The following FRMD5 variants were observed in gnomAD, a reference collection of about 807,000 sequenced individuals.
FRMD5 encodes the protein FERM domain-containing protein 5.
A neutral mutation model predicts 69.0 loss-of-function variants in FRMD5; 20 were observed. That is an observed-to-expected ratio of 0.29 (90% CI 0.20 to 0.42). The LOEUF (loss-of-function observed/expected upper bound fraction) is 0.42, where lower values mean the gene tolerates loss of function less well. Ranked by LOEUF, FRMD5 falls within the 10% of genes least tolerant of loss-of-function variation. The pLI, the probability that FRMD5 is intolerant of heterozygous loss-of-function variation, is 1.00. For synonymous variants in FRMD5, 271 were observed against 260.1 expected, an observed-to-expected ratio of 1.04 and a Z score of -0.40; for missense variants, 595 against 708.6, an observed-to-expected ratio of 0.84 and a Z score of 1.82.
intron 1 of FRMD5, among the ~76,000 whole-genome samples, chr15:44,020,012 AAT>A (rs1428539965): frequency 2.6e-5 from 4 of 152,114 alleles, no homozygotes; most frequent in African/African-American, 9.7e-5. Flanking sequence ...AAATAAAATA[AAT>A]ATATGTTTTC....
intron 1 of FRMD5, among the ~76,000 whole-genome samples, chr15:44,093,867 C>T (rs937581809): frequency 4.6e-5 from 7 of 151,952 alleles, no homozygotes; most frequent in African/African-American, 7.3e-5. Flanking sequence ...CCACCACGCC[C>T]GGCCCCTAAT....
chr15:44,054,886 A>G (rs1892808429), intron 1 of FRMD5, among the ~76,000 whole-genome samples: 1 of 152,064 alleles, frequency 6.6e-6, no homozygotes, highest in East Asian at 1.9e-4. Flanking sequence ...CCTGATCAAC[A>G]TGGTGAAACC....
intron 1 of FRMD5, among the ~76,000 whole-genome samples, chr15:44,050,001 A>C (rs1274994638): frequency 6.6e-6 from 1 of 152,218 alleles, no homozygotes; most frequent in Non-Finnish European, 1.5e-5. Context: ...ATCTATGTAC[A>C]AGTAACCTTC....
At chr15:43,904,373 A>G (rs999573138) in intron 6 of FRMD5, among the ~76,000 whole-genome samples, 1 of 151,684 alleles carries the variant, frequency 6.6e-6, no homozygotes, top group Admixed American at 6.6e-5. Context: ...ACTTTTTTTT[A>G]TTTTTAATTT....
chr15:44,106,230 A>G (rs1325033402), intron 1 of FRMD5, among the ~76,000 whole-genome samples: 1 of 152,176 alleles, frequency 6.6e-6, no homozygotes, highest in Non-Finnish European at 1.5e-5. Flanking sequence ...TAATAAGCCA[A>G]ATTCTTCATG....
intron 1 of FRMD5, among the ~76,000 whole-genome samples, chr15:44,165,178 G>C (rs1313181991): frequency 6.6e-6 from 1 of 152,200 alleles, no homozygotes; most frequent in Non-Finnish European, 1.5e-5. Flanking sequence ...CAGCACTTTG[G>C]GAGGCCAAGG....
At chr15:44,187,788 C>A (rs948145808) in intron 1 of FRMD5, among the ~76,000 whole-genome samples, 2 of 152,156 alleles carry the variant, frequency 1.3e-5, no homozygotes, top group African/African-American at 4.8e-5. Flanking sequence ...AGGATAGACT[C>A]AAACTCCTGG....
chr15:43,905,558 C>T (rs1415304738), intron 6 of FRMD5, among the ~76,000 whole-genome samples: 1 of 152,226 alleles, frequency 6.6e-6, no homozygotes, highest in Non-Finnish European at 1.5e-5. Flanking sequence ...AAAGGCCAAT[C>T]CCTCTCTGTT....
intron 4 of FRMD5, among the ~76,000 whole-genome samples, chr15:43,915,487 A>G (rs779178190): frequency 4.6e-5 from 7 of 152,158 alleles, no homozygotes; most frequent in Non-Finnish European, 1.0e-4. Context: ...TGTGTGTCAG[A>G]CATTTTGCTT....
intron 5 of FRMD5, among the ~76,000 whole-genome samples, chr15:43,907,483 C>T (rs114532182): frequency 0.011 from 1,655 of 151,924 alleles, 25 homozygotes; most frequent in African/African-American, 0.038. Context: ...GATCCGCCCA[C>T]CTCAGCCTAT....
At chr15:43,999,874 A>T (rs1376297813) in intron 1 of FRMD5, among the ~76,000 whole-genome samples, 1 of 54,128 alleles carries the variant, frequency 1.8e-5, no homozygotes, top group African/African-American at 4.7e-5. Flanking sequence ...TGTGTGATAT[A>T]CAGATACACA....
intron 1 of FRMD5, among the ~76,000 whole-genome samples, chr15:44,125,744 T>A (rs2077016677): frequency 6.6e-6 from 1 of 152,216 alleles, no homozygotes; most frequent in African/African-American, 2.4e-5. Context: ...TCCGACATCA[T>A]TTTTATGACC....
At chr15:43,963,563 T>A (rs900875558) in intron 1 of FRMD5, among the ~76,000 whole-genome samples, 1 of 152,122 alleles carries the variant, frequency 6.6e-6, no homozygotes, top group African/African-American at 2.4e-5. Flanking sequence ...CTGGGTATAT[T>A]CCCAAAGGAT....
chr15:44,029,221 T>C (rs986407326), intron 1 of FRMD5, among the ~76,000 whole-genome samples: 5 of 152,188 alleles, frequency 3.3e-5, no homozygotes, highest in Non-Finnish European at 4.4e-5. Context: ...TAAAACAAGT[T>C]TGTAACCTTT....
intron 13 of FRMD5, among the ~76,000 whole-genome samples, chr15:43,877,170 G>A (rs887046554): frequency 2.6e-5 from 4 of 152,146 alleles, no homozygotes; most frequent in Non-Finnish European, 2.9e-5. Context: ...GGTTCTCTCT[G>A]CCTTTGTGAC....
At position 44,109,499 on chromosome 15, in the gene FRMD5, A is replaced by G. The variant is rs1234853167; in HGVS notation, c.102+85454T>C. 1.3e-5 allele frequency among the ~76,000 whole-genome samples: 2 copies of G among 151,474 alleles called. 1 individual carries two copies. The highest frequency in any genetic ancestry group is 2.9e-5 in the Non-Finnish European group (2 of 67,902). On this transcript the variant is annotated intron_variant, in intron 1 of 13. Transcript: ENST00000417257. The stretch of plus-strand genomic sequence containing the variant: ...AATAAATTTTGTTTTTTTTAAGAGC[A>G]ATTTGGGGTTCACAGCAGAATTGAG...
intron 1 of FRMD5, among the ~76,000 whole-genome samples, chr15:43,947,690 A>C (rs1281956422): frequency 1.3e-5 from 2 of 152,168 alleles, no homozygotes; most frequent in African/African-American, 2.4e-5. Context: ...ACCCAGGGAG[A>C]CAGCACAGGT....
At chr15:43,949,400 A>G (rs973809959) in intron 1 of FRMD5, among the ~76,000 whole-genome samples, 1 of 152,204 alleles carries the variant, frequency 6.6e-6, no homozygotes, top group Admixed American at 6.5e-5. Flanking sequence ...TGATATAATT[A>G]TTCACAAACA....
intron 1 of FRMD5, among the ~76,000 whole-genome samples, chr15:44,181,849 G>C (rs2078007164): frequency 6.6e-6 from 1 of 152,032 alleles, no homozygotes; most frequent in African/African-American, 2.4e-5. Flanking sequence ...GGTAAAGTGG[G>C]CCAAGATCAT....
Sources: allele counts gnomAD v4.1 joint callset (sites outside exome capture counted in the v4.1 genomes callset), GRCh38; gene constraint gnomAD v4.1.1; transcripts MANE v1.5; gene names NCBI Gene and HGNC (gene_info 2026-07-23, HGNC 2026-07-21).